The following FOXP2 variants were observed in gnomAD, a reference collection of about 807,000 sequenced individuals.
FOXP2 encodes forkhead box P2.
A neutral mutation model predicts 115.8 loss-of-function variants in FOXP2; 12 were observed. That is an observed-to-expected ratio of 0.10 (90% CI 0.07 to 0.17). The LOEUF is 0.17. Ranked by LOEUF, FOXP2 falls within the 10% of genes least tolerant of loss-of-function variation. FOXP2 has a pLI of 1.00. For missense variants in FOXP2, 629 were observed against 843.5 expected, an observed-to-expected ratio of 0.75 and a Z score of 3.15; for synonymous variants, 328 against 297.7, an observed-to-expected ratio of 1.10 and a Z score of -1.05.
intron 2 of FOXP2, among the ~76,000 whole-genome samples, chr7:114,464,097 C>A (rs1037707948): frequency 6.6e-6 from 1 of 152,090 alleles, no homozygotes; most frequent in Non-Finnish European, 1.5e-5. Flanking sequence ...AAATTTTATT[C>A]CCCTGTAAGT....
intron 2 of FOXP2, among the ~76,000 whole-genome samples, chr7:114,324,209 TA>T (rs1797499938): frequency 6.6e-6 from 1 of 151,988 alleles, no homozygotes; most frequent in African/African-American, 2.4e-5. Flanking sequence ...CAAATGTGTT[TA>T]TTTTTTTCAC....
At chr7:114,411,236 A>T (rs1793155822), upstream of FOXP2, among the ~76,000 whole-genome samples, 1 of 152,096 alleles carries the variant, frequency 6.6e-6, no homozygotes, top group Non-Finnish European at 1.5e-5. Context: ...TGGTATGTGA[A>T]TGTGCTTAGA....
chr7:114,662,936 G>C (rs1255882592), intron 14 of FOXP2, among the ~76,000 whole-genome samples: 1 of 151,844 alleles, frequency 6.6e-6, no homozygotes, highest in Non-Finnish European at 1.5e-5. Context: ...ATCTACTATT[G>C]GCCCTTGACT....
chr7:114,125,813 A>G (rs966792181), intron 1 of FOXP2, among the ~76,000 whole-genome samples: 14 of 152,098 alleles, frequency 9.2e-5, no homozygotes, highest in Admixed American at 5.9e-4. Flanking sequence ...TAATGTACCA[A>G]TTTGTGCACA....
At chr7:114,395,539 T>C (rs1357312556) in intron 2 of FOXP2, among the ~76,000 whole-genome samples, 1 of 152,128 alleles carries the variant, frequency 6.6e-6, no homozygotes. Flanking sequence ...ACTTTTTAGA[T>C]AAAGAGAAAG....
intron 10 of FOXP2, among the ~76,000 whole-genome samples, chr7:114,657,743 C>T (rs1011194965): frequency 1.3e-5 from 2 of 152,162 alleles, no homozygotes; most frequent in African/African-American, 4.8e-5. Context: ...GGGGCTAGAC[C>T]TGTTTAACAA....
At chr7:114,348,978 A>G (rs1326311704) in intron 2 of FOXP2, among the ~76,000 whole-genome samples, 1 of 152,116 alleles carries the variant, frequency 6.6e-6, no homozygotes, top group Non-Finnish European at 1.5e-5. Context: ...TAATATAAGG[A>G]CATAAATATA....
At chr7:114,281,844 TG>T (rs1796344957) in intron 1 of FOXP2, among the ~76,000 whole-genome samples, 1 of 152,184 alleles carries the variant, frequency 6.6e-6, no homozygotes, top group Non-Finnish European at 1.5e-5. Flanking sequence ...TCTCTATTTC[TG>T]TGAATGTATC....
intron 2 of FOXP2, among the ~76,000 whole-genome samples, chr7:114,430,471 G>T (rs916997043): frequency 4.6e-5 from 7 of 151,692 alleles, no homozygotes; most frequent in African/African-American, 1.7e-4. Flanking sequence ...GACATTGTTT[G>T]ACTAGATGAT....
At chr7:114,431,751 G>A (rs1046070776) in intron 2 of FOXP2, among the ~76,000 whole-genome samples, 9 of 151,828 alleles carry the variant, frequency 5.9e-5, no homozygotes, top group Non-Finnish European at 1.2e-4. Flanking sequence ...TTATTTTTGA[G>A]AATGGATTAT....
intron 2 of FOXP2, among the ~76,000 whole-genome samples, chr7:114,445,294 G>A (rs1331170479): frequency 6.6e-6 from 1 of 152,114 alleles, no homozygotes; most frequent in Non-Finnish European, 1.5e-5. Flanking sequence ...AAGAAAATGA[G>A]TTTGTGCCTT....
chr7:114,499,104 T>G, intron 2 of FOXP2: 3 of 550,150 alleles, frequency 5.5e-6, no homozygotes, highest in Non-Finnish European at 9.7e-6. Context: ...GTAATTCTGA[T>G]GCATGCTCAA....
chr7:114,586,977 A>G (rs1286003325), intron 3 of FOXP2, among the ~76,000 whole-genome samples: 1 of 152,178 alleles, frequency 6.6e-6, no homozygotes, highest in Non-Finnish European at 1.5e-5. Context: ...ACTAGCGTTA[A>G]TAAAGCCAAA....
At chr7:114,465,780 C>T (rs142602651) in intron 2 of FOXP2, among the ~76,000 whole-genome samples, 189 of 152,230 alleles carry the variant, frequency 1.2e-3, no homozygotes, top group Non-Finnish European at 2.2e-3. Flanking sequence ...ATTGAGTAGC[C>T]AGGCCATGTT....
chr7:114,107,870 C>T (rs891664513), intron 1 of FOXP2, among the ~76,000 whole-genome samples: 1 of 151,800 alleles, frequency 6.6e-6, no homozygotes, highest in African/African-American at 2.4e-5. Flanking sequence ...TCTACTCATA[C>T]AATGTGGAAT....
chr7:114,570,694 C>T (rs1801254394), intron 3 of FOXP2: 1 of 786,228 alleles, frequency 1.3e-6, no homozygotes, highest in Non-Finnish European at 2.2e-6. Flanking sequence ...CTATTTTGAC[C>T]TACCAAGATA....
chr7:114,182,813 T>C (rs1210939884), intron 1 of FOXP2, among the ~76,000 whole-genome samples: 1 of 152,094 alleles, frequency 6.6e-6, no homozygotes, highest in East Asian at 1.9e-4. Flanking sequence ...CTAATTTTGA[T>C]TAGGAAAAAT....
intron 3 of FOXP2, among the ~76,000 whole-genome samples, chr7:114,551,915 T>G (rs1357932283): frequency 2.0e-5 from 3 of 152,190 alleles, no homozygotes. Context: ...TATTTATAAC[T>G]ACTGTTCTTT....
chr7:114,519,837 C>T (rs1798525528), intron 2 of FOXP2, among the ~76,000 whole-genome samples: 1 of 152,042 alleles, frequency 6.6e-6, no homozygotes, highest in Admixed American at 6.6e-5. Context: ...TTTCTTTTTC[C>T]CAGTGTCACT....
Sources: gnomAD v4.1 joint callset for allele counts (sites outside exome capture counted in the v4.1 genomes callset) on GRCh38, gnomAD v4.1.1 for gene constraint, MANE v1.5 for transcripts, NCBI Gene and HGNC (gene_info 2026-07-23, HGNC 2026-07-21) for gene names.